INPP5D: variants seen among roughly 807,000 people sequenced by gnomAD.
The protein encoded by INPP5D is inositol polyphosphate-5-phosphatase D, also known as phosphatidylinositol 3,4,5-trisphosphate 5-phosphatase 1.
A neutral mutation model predicts 122.9 loss-of-function variants in INPP5D; 33 were observed. The ratio of observed to expected loss-of-function variants is 0.27; its 90% CI spans 0.20 to 0.36. The LOEUF (loss-of-function observed/expected upper bound fraction) is 0.36, where lower values mean the gene tolerates loss of function less well. INPP5D is among the 10% of genes least tolerant of loss of function. The pLI, the probability that INPP5D is intolerant of heterozygous loss-of-function variation, is 1.00. For synonymous variants in INPP5D, 584 were observed against 576.2 expected, an observed-to-expected ratio of 1.01 and a Z score of -0.19; for missense variants, 1,053 against 1,412.7, an observed-to-expected ratio of 0.75 and a Z score of 4.08.
Position 233,128,096 on chromosome 2 carries a change from T to C in INPP5D, c.524+2177T>C, listed in dbSNP as rs112716577. ...CAAGCGAGCATTACCACCTGAGCTC[T>C]GCCTCCTGTCAGATCAGCGGTGGCA... On this transcript the variant is annotated intron_variant, in intron 4 of 26. Transcript: ENST00000445964. This position sits in a 1 kb window ranked among gnomAD's most constrained non-coding sequence, Gnocchi z 4.5. Among the ~76,000 whole-genome samples the C allele has an allele frequency of 9.3e-3, 1,411 of 152,344 alleles. 7 individuals carry two copies. Among genetic ancestry groups the C allele is most frequent in the African/African-American group, 0.013 (534 of 41,586 alleles).
chr2:233,184,121 G>T (rs1353819811), intron 19 of INPP5D, among the ~76,000 whole-genome samples: 1 of 152,160 alleles, frequency 6.6e-6, no homozygotes, highest in Non-Finnish European at 1.5e-5. Context: ...TGGGGGTATT[G>T]CCTGAGGTCA....
intron 2 of INPP5D, among the ~76,000 whole-genome samples, chr2:233,111,030 G>A (rs1306084122): frequency 6.6e-6 from 1 of 152,030 alleles, no homozygotes. Context: ...AAGAATTCCT[G>A]TATACCCTCT....
chr2:233,175,217 CAAAAAAAAA>C (rs1220185296), intron 17 of INPP5D, among the ~76,000 whole-genome samples: 2 of 68,616 alleles, frequency 2.9e-5, no homozygotes, highest in African/African-American at 6.2e-5. Flanking sequence ...GACTCCATCT[CAAAAAAAAA>C]AAAAAAAAAA....
At chr2:233,145,594 C>A (rs1447086445) in intron 6 of INPP5D, among the ~76,000 whole-genome samples, 3 of 152,016 alleles carry the variant, frequency 2.0e-5, no homozygotes, top group Non-Finnish European at 4.4e-5. Context: ...TGAGGAGTTG[C>A]CCCTCCCAGG....
At chr2:233,063,452 C>CA (rs1691129013) in intron 1 of INPP5D, among the ~76,000 whole-genome samples, 2 of 152,308 alleles carry the variant, frequency 1.3e-5, no homozygotes, top group African/African-American at 4.8e-5. Flanking sequence ...AGCAGCCTCA[C>CA]CAGGGAGGGG....
Position 233,130,578 on chromosome 2 carries a change from G to C in INPP5D, c.595G>C (p.Val199Leu), listed in dbSNP as rs1693292923. ...TCAGCTCGCCCAGGACTCTGAATTT[G>C]TGAAGACAGGGTCCAGCAGTCTTCC... Reference protein sequence around the residue: ...STQLAQDSEFVKTGSSSLPHL... With the variant: ...STQLAQDSEFLKTGSSSLPHL... The change falls in exon 5 of 27, where the codon GTG becomes CTG. Residue 199 changes from valine (V) to leucine (L), a missense_variant. Coordinates refer to ENST00000445964, the MANE Select transcript of INPP5D (RefSeq NM_001017915.3). 6.2e-7 allele frequency: 1 copy of C among 1,613,854 alleles called. No homozygotes were observed. The highest frequency in any genetic ancestry group is 1.7e-5 in the Admixed American group (1 of 59,994).
At chr2:233,086,119 C>CTTTCTTTCTTTCTTTCTTTCTT (rs1491216543) in intron 2 of INPP5D, among the ~76,000 whole-genome samples, 4 of 93,828 alleles carry the variant, frequency 4.3e-5, no homozygotes, top group African/African-American at 1.6e-4. Context: ...ATAAGATAGC[C>CTTTCTTTCTTTCTTTCTTTCTT]TCTTTCTTTC....
At chr2:233,182,643 T>G in intron 19 of INPP5D, 144 bp downstream of exon 19, 1 of 1,320,174 alleles carries the variant, frequency 7.6e-7, no homozygotes. Context: ...AGTTTCTTCA[T>G]GTCCCAGCCA....
chr2:233,167,574 G>A (rs1315291131), intron 13 of INPP5D, among the ~76,000 whole-genome samples: 1 of 152,150 alleles, frequency 6.6e-6, no homozygotes, highest in African/African-American at 2.4e-5. Flanking sequence ...CAGAGGGGCA[G>A]GGCTGGAGAG....
intron 2 of INPP5D, among the ~76,000 whole-genome samples, chr2:233,089,433 C>A (rs1421632269): frequency 6.6e-6 from 1 of 152,192 alleles, no homozygotes; most frequent in Non-Finnish European, 1.5e-5. Context: ...AGAGGGATGT[C>A]ATTGGAGCCA....
chr2:233,157,213 C>T (rs1187153286), intron 9 of INPP5D, among the ~76,000 whole-genome samples: 1 of 152,122 alleles, frequency 6.6e-6, no homozygotes, highest in Non-Finnish European at 1.5e-5. Context: ...AAGAGGAAGA[C>T]CTGGGGTCCA....
intron 1 of INPP5D, among the ~76,000 whole-genome samples, chr2:233,074,254 A>G (rs1471158414): frequency 6.6e-6 from 1 of 152,120 alleles, no homozygotes; most frequent in East Asian, 1.9e-4. Flanking sequence ...CACACAGAGG[A>G]TGGGCTCCCT....
chr2:233,099,587 G>A (rs1692245869), intron 2 of INPP5D, among the ~76,000 whole-genome samples: 1 of 152,200 alleles, frequency 6.6e-6, no homozygotes, highest in African/African-American at 2.4e-5. Context: ...ATAGATATCA[G>A]ATTAAAGATC....
In INPP5D at chr2:233,177,223, T is replaced by A. The variant is rs1409941167; in HGVS notation, c.1990-42T>A. On this transcript the variant is annotated intron_variant, in intron 17 of 26. Coordinates refer to ENST00000445964, the MANE Select transcript of INPP5D (RefSeq NM_001017915.3). This position sits in a 1 kb window ranked among gnomAD's most constrained non-coding sequence, Gnocchi z 4.2. ...GTTCTTTTACTGATTAAAAAAATAA[T>A]AATAAGAGGCATTTTTTAAAGCCTA... 3 of 1,612,032 alleles carry A rather than the reference T, an allele frequency of 1.9e-6. No homozygotes were observed. Among genetic ancestry groups the A allele is most frequent in the Non-Finnish European group, 2.5e-6 (3 of 1,178,598 alleles).
chr2:233,204,894 T>G (rs978112127), intron 26 of INPP5D, 177 bp downstream of exon 26: 2 of 1,085,636 alleles, frequency 1.8e-6, no homozygotes, highest in Middle Eastern at 6.4e-4. Context: ...AACTGCTCCA[T>G]GAGAAGGGAG....
intron 5 of INPP5D, among the ~76,000 whole-genome samples, chr2:233,131,648 C>T (rs1286258788): frequency 2.0e-5 from 3 of 152,062 alleles, no homozygotes; most frequent in East Asian, 1.9e-4. Flanking sequence ...TGTGGTGAGC[C>T]GAGATCTCGC....
chr2:233,122,327 G>C, intron 3 of INPP5D, 70 bp downstream of exon 3: 1 of 1,503,610 alleles, frequency 6.7e-7, no homozygotes, highest in East Asian at 2.4e-5. Flanking sequence ...TTGAGTGCTT[G>C]TAGACTAGGT....
chr2:233,163,954 C>G, intron 12 of INPP5D, 51 bp downstream of exon 12: 1 of 1,590,520 alleles, frequency 6.3e-7, no homozygotes. Context: ...AATCTTTGCT[C>G]GGCTGGGCTG....
chr2:233,097,978 C>A (rs1268342431), intron 2 of INPP5D, among the ~76,000 whole-genome samples: 4 of 152,022 alleles, frequency 2.6e-5, no homozygotes, highest in Non-Finnish European at 5.9e-5. Flanking sequence ...CTGCACCTCC[C>A]AGGTTCGAGC....
Sources: gnomAD v4.1 joint callset for allele counts (sites outside exome capture counted in the v4.1 genomes callset) on GRCh38, gnomAD v4.1.1 for gene constraint, Gnocchi (gnomAD v3.1) non-coding constraint, MANE v1.5 for transcripts, NCBI Gene and HGNC (gene_info 2026-07-23, HGNC 2026-07-21) for gene names.